Variants in CLCN3 observed in about 807,000 individuals in gnomAD.
CLCN3 encodes Cl-/H+ antiporter 3, also known as H(+)/Cl(-) exchange transporter 3.
Under a neutral mutation model 83.4 loss-of-function variants are expected in CLCN3, and 16 were observed. The observed-to-expected ratio is 0.19, with a 90% CI of 0.13 to 0.29. CLCN3 has a LOEUF of 0.29. Ranked by LOEUF, CLCN3 falls within the 10% of genes least tolerant of loss-of-function variation. The probability of loss-of-function intolerance (pLI) is 1.00; values close to 1 mark genes in which losing one functional copy is unlikely to be tolerated. For missense variants in CLCN3, 544 were observed against 1,006.0 expected (o/e 0.54, Z 6.21); for synonymous variants, 322 against 346.2 (o/e 0.93, Z 0.78).
intron 3 of CLCN3, among the ~76,000 whole-genome samples, chr4:169,685,282 T>C (rs1367690082): frequency 1.3e-5 from 2 of 152,210 alleles, no homozygotes; most frequent in African/African-American, 4.8e-5. Flanking sequence ...TTTTGTTTTA[T>C]TATACATATA....
chr4:169,692,277 A>G lies in CLCN3; in HGVS notation c.893A>G (p.Tyr298Cys). The stretch of plus-strand genomic sequence containing the variant: ...TGTTGCTGCGGAAATATCTTTTCCT[A>G]CCTCTTTCCAAAGTATAGCACAAAC... The part of the protein sequence containing the change: ...VACCCGNIFS[Y>C]LFPKYSTNEA... Residue 298 changes from tyrosine (Y) to cysteine (C), a missense_variant, in exon 7 of 13, where the codon TAC becomes TGC. Tyr to Cys is a radical substitution (Grantham distance 194). This residue lies in a region of CLCN3 where 194 missense variants were observed against 341.4 expected (regional missense o/e 0.57). Coordinates refer to ENST00000513761, the MANE Select transcript of CLCN3 (RefSeq NM_001829.4). 1 of 1,613,512 alleles carries G rather than the reference A, an allele frequency of 6.2e-7. No homozygotes were observed. The highest frequency in any genetic ancestry group is 8.5e-7 in the Non-Finnish European group (1 of 1,179,560).
intron 2 of CLCN3, among the ~76,000 whole-genome samples, chr4:169,657,097 A>G (rs888616732): frequency 6.6e-6 from 1 of 152,154 alleles, no homozygotes; most frequent in Non-Finnish European, 1.5e-5. Context: ...CTACTCCCTC[A>G]ATTATGTTGT....
intron 2 of CLCN3, among the ~76,000 whole-genome samples, chr4:169,676,155 C>T (rs1731666599): frequency 6.6e-6 from 1 of 152,206 alleles, no homozygotes; most frequent in Non-Finnish European, 1.5e-5. Context: ...TGCTGGTCTA[C>T]ACCTGGCCCT....
At chr4:169,706,776 A>G in intron 10 of CLCN3, 92 bp from the exon 11 acceptor site, 3 of 1,020,138 alleles carry the variant, frequency 2.9e-6, no homozygotes. Context: ...TCTATTTGCC[A>G]TTTAGTTTTA....
rs986319831 is a variant in CLCN3 at position 169,720,456 on chromosome 4, A to G, written c.*459A>G. The G allele has an allele frequency of 1.9e-5, 3 of 160,424 alleles. No homozygotes were observed. Among genetic ancestry groups the G allele is most frequent in the African/African-American group, 7.2e-5 (3 of 41,596 alleles). The allele number at this position is 160,424 out of a possible 1,614,324, so 9.9% of individuals were successfully genotyped here. A position where few individuals can be genotyped will look rare whatever the true frequency, so the allele number is the denominator to read the frequency against. Reference sequence around the variant, plus strand: ...AAGGTCTTGCCCTTTTTTTTAATCAAAACTGTTCTGTTTAATTCATGAATT... The same window carrying G: ...AAGGTCTTGCCCTTTTTTTTAATCAGAACTGTTCTGTTTAATTCATGAATT... On this transcript the variant is annotated 3_prime_UTR_variant, in exon 13 of 13. Coordinates refer to ENST00000513761, the MANE Select transcript of CLCN3 (RefSeq NM_001829.4).
chr4:169,675,453 T>C (rs1215229545), intron 2 of CLCN3, among the ~76,000 whole-genome samples: 2 of 152,244 alleles, frequency 1.3e-5, no homozygotes, highest in African/African-American at 4.8e-5. Context: ...GGAATTTTGT[T>C]CCATTCCTTA....
chr4:169,714,860 GTTA>G (rs567736395), intron 12 of CLCN3, among the ~76,000 whole-genome samples: 3 of 152,178 alleles, frequency 2.0e-5, no homozygotes, highest in East Asian at 3.9e-4. Flanking sequence ...GTATTCATAA[GTTA>G]TTATTGTTAC....
chr4:169,649,456 T>C (rs1045935564), intron 2 of CLCN3, among the ~76,000 whole-genome samples: 1 of 152,168 alleles, frequency 6.6e-6, no homozygotes, highest in African/African-American at 2.4e-5. Flanking sequence ...GAGGTAAATA[T>C]AATAGTTCAG....
intron 9 of CLCN3, among the ~76,000 whole-genome samples, chr4:169,702,076 C>A (rs533663323): frequency 6.6e-6 from 1 of 152,170 alleles, no homozygotes; most frequent in African/African-American, 2.4e-5. Context: ...GGGATCTTAT[C>A]GGAAAGCTGC....
intron 9 of CLCN3, among the ~76,000 whole-genome samples, chr4:169,700,518 T>TA (rs1732744328): frequency 6.6e-6 from 1 of 152,118 alleles, no homozygotes; most frequent in Non-Finnish European, 1.5e-5. Flanking sequence ...GGCCTTGGCC[T>TA]CCCAGAGTGC....
intron 1 of CLCN3, among the ~76,000 whole-genome samples, chr4:169,632,211 G>C (rs1201870387): frequency 6.6e-6 from 1 of 152,112 alleles, no homozygotes; most frequent in Admixed American, 6.5e-5. Flanking sequence ...TCCAGGCAGA[G>C]GGAGCAACAA....
At chr4:169,700,422 T>C (rs1042120239) in intron 9 of CLCN3, among the ~76,000 whole-genome samples, 3 of 152,046 alleles carry the variant, frequency 2.0e-5, no homozygotes, top group African/African-American at 7.2e-5. Context: ...CACACCCGGC[T>C]AATTTTTGTG....
At position 169,702,679 on chromosome 4, in the gene CLCN3, C is replaced by T. The variant is rs116525226; in HGVS notation, c.1564-1319C>T. 976 of 167,438 alleles carry T rather than the reference C, an allele frequency of 5.8e-3. 10 individuals are homozygous for T. The highest frequency in any genetic ancestry group is 0.022 in the African/African-American group (923 of 42,776). The allele number at this position is 167,438 out of a possible 1,614,324, so 10.4% of individuals were successfully genotyped here. A position where few individuals can be genotyped will look rare whatever the true frequency, so the allele number is the denominator to read the frequency against. On this transcript the variant is annotated intron_variant, in intron 9 of 12. Coordinates refer to ENST00000513761, the MANE Select transcript of CLCN3 (RefSeq NM_001829.4). ...AAAAATGGCCAGGTATTGTGGCTCA[C>T]GCCTGTAATCTCCATGCTTTGGGAG...
At position 169,622,674 on chromosome 4, in the gene CLCN3, G is replaced by A. The variant is rs576288576; in HGVS notation, c.-17+1611G>A. On this transcript the variant is annotated intron_variant, in intron 1 of 12. Coordinates refer to ENST00000513761, the MANE Select transcript of CLCN3 (RefSeq NM_001829.4). ...CGAAGTAGGTACTTTCACTAATCCC[G>A]TTTTACATTCGTAGAAACTGAGGCA... 5.9e-5 allele frequency among the ~76,000 whole-genome samples: 9 copies of A among 152,176 alleles called. No homozygotes were observed. The East Asian group carries it at 1.7e-3, about 29-fold the overall frequency.
intron 2 of CLCN3, among the ~76,000 whole-genome samples, chr4:169,677,602 A>G (rs1193362054): frequency 4.6e-5 from 7 of 152,348 alleles, no homozygotes; most frequent in African/African-American, 1.7e-4. Flanking sequence ...TCAAGGATTT[A>G]TGCAAGTGTA....
At chr4:169,683,228 T>C (rs1208469720) in intron 3 of CLCN3, among the ~76,000 whole-genome samples, 1 of 152,226 alleles carries the variant, frequency 6.6e-6, no homozygotes, top group African/African-American at 2.4e-5. Flanking sequence ...CTGGTCATAG[T>C]GGCTCATGCC....
chr4:169,627,920 T>C (rs1252536889), intron 1 of CLCN3, among the ~76,000 whole-genome samples: 1 of 152,214 alleles, frequency 6.6e-6, no homozygotes, highest in African/African-American at 2.4e-5. Context: ...GTTACAGTAA[T>C]CAAGACTGTG....
At chr4:169,711,428 G>A (rs1171036461) in intron 11 of CLCN3, among the ~76,000 whole-genome samples, 1 of 152,104 alleles carries the variant, frequency 6.6e-6, no homozygotes, top group African/African-American at 2.4e-5. Flanking sequence ...CAATGGCGCG[G>A]CCTCAGCTCA....
At chr4:169,667,498 C>T (rs1329099426) in intron 2 of CLCN3, among the ~76,000 whole-genome samples, 1 of 152,026 alleles carries the variant, frequency 6.6e-6, no homozygotes, top group African/African-American at 2.4e-5. Context: ...AAACAATCTT[C>T]TTAGTAGAGT....
Sources: gnomAD v4.1 joint callset for allele counts (sites outside exome capture counted in the v4.1 genomes callset) on GRCh38, gnomAD v4.1.1 for gene constraint, gnomAD v4.1.1 regional missense constraint, MANE v1.5 for transcripts, NCBI Gene and HGNC (gene_info 2026-07-23, HGNC 2026-07-21) for gene names.